FOXP1: variants seen among roughly 807,000 people sequenced by gnomAD.
The protein encoded by FOXP1 is forkhead box protein P1.
Under a neutral mutation model 98.2 loss-of-function variants are expected in FOXP1, and 15 were observed. The ratio of observed to expected loss-of-function variants is 0.15; its 90% CI spans 0.10 to 0.24. The LOEUF is 0.24. FOXP1 is among the 10% of genes least tolerant of loss of function. The pLI, the probability that FOXP1 is intolerant of heterozygous loss-of-function variation, is 1.00. For synonymous variants in FOXP1, 371 were observed against 314.5 expected (o/e 1.18, Z -1.90); for missense variants, 633 against 848.5 (o/e 0.75, Z 3.15).
At chr3:70,988,621 A>T (rs937526388) in intron 13 of FOXP1, among the ~76,000 whole-genome samples, 4 of 152,238 alleles carry the variant, frequency 2.6e-5, no homozygotes, top group Non-Finnish European at 4.4e-5. Flanking sequence ...AAGCTTGCTC[A>T]TTCAATTTAC....
chr3:71,212,859 T>C (rs1438628610), intron 5 of FOXP1, among the ~76,000 whole-genome samples: 1 of 151,984 alleles, frequency 6.6e-6, no homozygotes, highest in African/African-American at 2.4e-5. Flanking sequence ...GTCTACGTAA[T>C]GGGAAATGCT....
chr3:71,320,700 T>C (rs543715291), intron 4 of FOXP1, among the ~76,000 whole-genome samples: 1 of 152,324 alleles, frequency 6.6e-6, no homozygotes, highest in South Asian at 2.1e-4. Flanking sequence ...AAATCTTGAA[T>C]GAATAAAGTA....
intron 2 of FOXP1, among the ~76,000 whole-genome samples, chr3:71,515,515 T>A (rs2042518107): frequency 6.7e-6 from 1 of 149,590 alleles, no homozygotes; most frequent in South Asian, 2.1e-4. Context: ...AGGGTAACAG[T>A]CATTTTCAAG....
At chr3:71,091,336 A>C (rs939102088) in intron 7 of FOXP1, among the ~76,000 whole-genome samples, 1 of 152,032 alleles carries the variant, frequency 6.6e-6, no homozygotes, top group Non-Finnish European at 1.5e-5. Flanking sequence ...CTAAAAATAC[A>C]AATAAAATGA....
chr3:71,217,388 T>A (rs1408447412), intron 5 of FOXP1, among the ~76,000 whole-genome samples: 1 of 152,158 alleles, frequency 6.6e-6, no homozygotes, highest in Non-Finnish European at 1.5e-5. Flanking sequence ...TTTTGTTCTT[T>A]TTTTTTATTT....
At chr3:70,971,810 G>A in intron 18 of FOXP1, 1 of 412,012 alleles carries the variant, frequency 2.4e-6, no homozygotes, top group East Asian at 3.6e-5. Context: ...TTGCATTAAA[G>A]ACGTCAAAAA....
chr3:71,222,321 T>C (rs1017304736), intron 5 of FOXP1, among the ~76,000 whole-genome samples: 3 of 152,202 alleles, frequency 2.0e-5, no homozygotes, highest in Admixed American at 1.3e-4. Flanking sequence ...ACACCTGACA[T>C]GGAGGCCACT....
At position 71,349,511 on chromosome 3, in the gene FOXP1, G is replaced by C. The variant is rs190598204; in HGVS notation, c.-73+9639C>G. Among the ~76,000 whole-genome samples, 54 of 152,236 alleles carry C rather than the reference G, an allele frequency of 3.5e-4. 1 individual carries two copies. The highest frequency in any genetic ancestry group is 6.5e-4 in the African/African-American group (27 of 41,556). On this transcript the variant is annotated intron_variant, in intron 4 of 20. Coordinates refer to ENST00000649528, the MANE Select transcript of FOXP1 (RefSeq NM_001349338.3). ...AAATATGGGATGAATTGTGGGCCAA[G>C]GAGAAAATATGATGGACATGAAAAT... is the stretch of plus-strand genomic sequence containing the variant.
Position 70,955,157 on chromosome 3 carries a change from T to C in FOXP1, c.*4090A>G, listed in dbSNP as rs1175956881. 1 of 232,482 alleles carries C rather than the reference T, an allele frequency of 4.3e-6. No homozygotes were observed. The highest frequency in any genetic ancestry group is 8.5e-6 in the Non-Finnish European group (1 of 117,624). The allele number at this position is 232,482 out of a possible 1,614,324, so 14.4% of individuals were successfully genotyped here. ...ATCTGAATAAGCACACTCTTCTTTGTGCCTTTGGAAACGGAGTTCAGCTGG... is the reference window on the plus strand; with the variant it reads ...ATCTGAATAAGCACACTCTTCTTTGCGCCTTTGGAAACGGAGTTCAGCTGG... On this transcript the variant is annotated 3_prime_UTR_variant, in exon 21 of 21. Coordinates refer to ENST00000649528, the MANE Select transcript of FOXP1 (RefSeq NM_001349338.3).
At chr3:71,454,027 TA>T (rs1228522605) in intron 3 of FOXP1, among the ~76,000 whole-genome samples, 3 of 152,162 alleles carry the variant, frequency 2.0e-5, no homozygotes, top group Non-Finnish European at 4.4e-5. Flanking sequence ...TCTAATCCTT[TA>T]CTAAGCAAAT....
At chr3:71,306,531 T>C (rs2074285394) in intron 4 of FOXP1, among the ~76,000 whole-genome samples, 1 of 147,764 alleles carries the variant, frequency 6.8e-6, no homozygotes, top group African/African-American at 2.5e-5. Context: ...GATATATGCA[T>C]ATAAAGTGTA....
At chr3:71,251,801 G>T (rs373828010) in intron 5 of FOXP1, among the ~76,000 whole-genome samples, 1 of 152,194 alleles carries the variant, frequency 6.6e-6, no homozygotes, top group East Asian at 1.9e-4. Context: ...CTGAATAATT[G>T]TATATGTATC....
intron 11 of FOXP1, among the ~76,000 whole-genome samples, chr3:71,028,954 C>A (rs765767918): frequency 6.6e-6 from 1 of 152,120 alleles, no homozygotes; most frequent in Non-Finnish European, 1.5e-5. Context: ...TGATAGGAGG[C>A]GAAGCTCAGG....
chr3:71,045,928 C>T (rs910232392), intron 10 of FOXP1, among the ~76,000 whole-genome samples: 2 of 152,204 alleles, frequency 1.3e-5, no homozygotes, highest in African/African-American at 4.8e-5. Flanking sequence ...CTTTAAGGTA[C>T]ATATAAACCA....
intron 6 of FOXP1, among the ~76,000 whole-genome samples, chr3:71,144,145 T>C (rs1305211040): frequency 6.6e-6 from 1 of 152,020 alleles, no homozygotes; most frequent in Non-Finnish European, 1.5e-5. Context: ...AAAAGAGCCA[T>C]GAAAGGTAAG....
Position 70,958,762 on chromosome 3 carries a change from A to AAAAAAAAAG in FOXP1, c.*484_*485insCTTTTTTTT, listed in dbSNP as rs2032485263. On this transcript the variant is annotated 3_prime_UTR_variant, in exon 21 of 21. Transcript: ENST00000649528. ...CAAAAAAAAAAAAAAAAAAAAAAAA[A>AAAAAAAAAG]AAAAAGGAGTAAAGGCAGTGATAAT... 1 of 223,316 alleles carries AAAAAAAAAG rather than the reference A, an allele frequency of 4.5e-6. No individual in the cohort carries two copies. The allele number at this position is 223,316 out of a possible 1,614,324, so 13.8% of individuals were successfully genotyped here. A position where few individuals can be genotyped will look rare whatever the true frequency, so the allele number is the denominator to read the frequency against.
In FOXP1 at chr3:71,010,116, C is replaced by T. The variant is rs565053628; in HGVS notation, c.974+5433G>A. Among the ~76,000 whole-genome samples the T allele has an allele frequency of 2.0e-5, 3 of 152,128 alleles. No individual in the cohort carries two copies. In the South Asian group the frequency reaches 6.2e-4, roughly 32 times the overall value. On this transcript the variant is annotated intron_variant, in intron 12 of 20. Coordinates refer to ENST00000649528, the MANE Select transcript of FOXP1 (RefSeq NM_001349338.3). ...TGGTTAACATCCCAAATCACATGTG[C>T]TGATACTGAGGCTCAGATGACATGT...
chr3:71,311,208 C>T (rs2074658385), intron 4 of FOXP1, among the ~76,000 whole-genome samples: 1 of 152,180 alleles, frequency 6.6e-6, no homozygotes, highest in Non-Finnish European at 1.5e-5. Flanking sequence ...CCCACCTCAG[C>T]CTCCTGAGTA....
intron 13 of FOXP1, among the ~76,000 whole-genome samples, chr3:70,999,057 A>G (rs1656238514): frequency 6.6e-6 from 1 of 152,190 alleles, no homozygotes; most frequent in Non-Finnish European, 1.5e-5. Flanking sequence ...AAGTACCACC[A>G]ATATGTACAA....
Sources: gnomAD v4.1 joint callset for allele counts (sites outside exome capture counted in the v4.1 genomes callset) on GRCh38, gnomAD v4.1.1 for gene constraint, MANE v1.5 for transcripts, NCBI Gene and HGNC (gene_info 2026-07-23, HGNC 2026-07-21) for gene names.